The following NEB variants were observed in gnomAD, a reference collection of about 807,000 sequenced individuals.
NEB encodes the protein nemaline myopathy type 2.
Under a neutral mutation model 952.2 loss-of-function variants are expected in NEB, and 512 were observed. The observed-to-expected ratio is 0.54, with a 90% CI of 0.50 to 0.58. The LOEUF is 0.58. Ranked by LOEUF, NEB falls within the 20% of genes least tolerant of loss-of-function variation. The pLI is 0.00. For synonymous variants in NEB, 2,900 were observed against 3,149.8 expected, an observed-to-expected ratio of 0.92 and a Z score of 2.66; for missense variants, 8,428 against 9,231.1, an observed-to-expected ratio of 0.91 and a Z score of 3.56.
rs1387048915 is a variant in NEB, at chr2:151,497,178, G to A, written c.24301-145C>T. 11 of 1,264,556 alleles carry A rather than the reference G, an allele frequency of 8.7e-6. No individual in the cohort carries two copies. In the Admixed American group the frequency reaches 1.9e-4, roughly 22 times the overall value. 78.3% of individuals were successfully genotyped at this position (1,264,556 alleles called of 1,614,324 possible). On this transcript the variant is annotated intron_variant, in intron 171 of 181. Transcript: ENST00000397345. ...AGTTATATGCTGACAAAATGCCACC[G>A]ACTACTTTACTTTAGTGGAAGTTGT...
chr2:151,533,160 T>G (rs2092175078), intron 143 of NEB, among the ~76,000 whole-genome samples: 1 of 152,218 alleles, frequency 6.6e-6, no homozygotes, highest in Non-Finnish European at 1.5e-5. Context: ...AGGCAAATAC[T>G]GAAAAGTATA....
At position 151,643,850 on chromosome 2, in the gene NEB, G is replaced by A. The variant is rs770303722; in HGVS notation, c.7924C>T (p.His2642Tyr). 1 of 1,613,920 alleles carries A rather than the reference G, an allele frequency of 6.2e-7. No homozygotes were observed. ...TGGAGGTCATAGGCCTGCCGAGCAT[G>A]GATGACATCGCTCTGGTCGGGCAGG... ...TCLPDQSDVI[H>Y]ARQAYDLQSD... Residue 2642 changes from histidine (H) to tyrosine (Y), a missense_variant, in exon 57 of 182, where the codon CAT becomes TAT. His to Tyr is a moderately conservative substitution (Grantham distance 83). Transcript: ENST00000397345.
In NEB at chr2:151,672,362, T is replaced by G. The variant is rs373926259; in HGVS notation, c.4299+7A>C. On this transcript the variant is annotated splice_region_variant and intron_variant, in intron 37 of 181. Transcript: ENST00000397345. The stretch of plus-strand genomic sequence containing the variant: ...ACATCTCTGGGTCTGTTGTTACACA[T>G]ACTTACATCACTCTGAATTTGATTG... 6.3e-7 allele frequency: 1 copy of G among 1,582,570 alleles called. No individual in the cohort carries two copies. Among genetic ancestry groups the G allele is most frequent in the Admixed American group, 1.7e-5 (1 of 58,862 alleles).
intron 35 of NEB, 103 bp downstream of exon 35, chr2:151,675,184 G>A (rs1471130483): frequency 6.0e-6 from 5 of 832,738 alleles, no homozygotes; most frequent in African/African-American, 1.7e-5. Context: ...GGGGATTTGT[G>A]AGAAATGGGC....
chr2:151,560,418 C>T (rs2288205), intron 124 of NEB, among the ~76,000 whole-genome samples, 174 bp downstream of exon 124: 6,464 of 152,244 alleles, frequency 0.042, 369 homozygotes, highest in East Asian at 0.15. Context: ...GAGAGACAGG[C>T]AGTGAGCACA....
In NEB at chr2:151,567,232, C is replaced by T; in HGVS notation, c.18092G>A (p.Trp6031Ter). 1 of 1,613,746 alleles carries T rather than the reference C, an allele frequency of 6.2e-7. No individual in the cohort carries two copies. Among genetic ancestry groups the T allele is most frequent in the African/African-American group, 1.3e-5 (1 of 75,006 alleles). The change falls in exon 114 of 182, where the codon TGG becomes TAG. Residue 6031 changes from tryptophan to a stop codon, truncating the protein, a stop_gained. Transcript: ENST00000397345. LOFTEE classifies it high-confidence loss of function. ...ATCGTTCTGGTCAGGATGACACATCCATTGGTGCAAGTAATTACGATAATC... is the reference window on the plus strand; with the variant it reads ...ATCGTTCTGGTCAGGATGACACATCTATTGGTGCAAGTAATTACGATAATC... ...DIDYRNYLHQWMCHPDQNDVI... is the reference protein window; with the variant it reads ...DIDYRNYLHQ
chr2:151,525,398 A>C, intron 150 of NEB, 125 bp from the exon 151 acceptor site: 1 of 674,486 alleles, frequency 1.5e-6, no homozygotes, highest in Non-Finnish European at 2.6e-6. Context: ...TGGGACTTAG[A>C]TAAGACCCAT....
intron 9 of NEB, 25 bp downstream of exon 9, chr2:151,723,357 G>T: frequency 6.4e-7 from 1 of 1,558,554 alleles, no homozygotes. Context: ...GCACACCTAA[G>T]TGGTGCCACT....
At chr2:151,490,261 G>A in intron 180 of NEB, 111 bp downstream of exon 180, 1 of 1,371,312 alleles carries the variant, frequency 7.3e-7, no homozygotes, top group Non-Finnish European at 9.9e-7. Flanking sequence ...TCTCATTAAA[G>A]GAAAGGATGA....
At chr2:151,527,717 A>T (rs977432471) in intron 146 of NEB, 132 bp from the exon 147 acceptor site, 8 of 663,258 alleles carry the variant, frequency 1.2e-5, no homozygotes, top group Non-Finnish European at 2.1e-5. Context: ...GGAAGCCCCA[A>T]TTGAAATTTC....
At chr2:151,627,408 G>A in intron 69 of NEB, 115 bp downstream of exon 69, 1 of 1,475,314 alleles carries the variant, frequency 6.8e-7, no homozygotes, top group Non-Finnish European at 9.2e-7. Context: ...TAAAAAATGA[G>A]CAGAGAGAAG....
intron 173 of NEB, among the ~76,000 whole-genome samples, chr2:151,494,474 A>G (rs185065542): frequency 6.6e-6 from 1 of 152,272 alleles, no homozygotes; most frequent in East Asian, 1.9e-4. Flanking sequence ...GGACTGCAAG[A>G]GAGACCTGTG....
chr2:151,551,658 G>T, intron 129 of NEB, 80 bp downstream of exon 129: 2 of 1,090,148 alleles, frequency 1.8e-6, no homozygotes, highest in East Asian at 2.4e-5. Context: ...GTCAGGTCAA[G>T]AGGAAGCAAG....
chr2:151,626,419 A>G (rs779128068), intron 70 of NEB, among the ~76,000 whole-genome samples: 4 of 151,656 alleles, frequency 2.6e-5, no homozygotes, highest in Non-Finnish European at 4.4e-5. Flanking sequence ...CCCGGCTTGC[A>G]TCTTTCTTGT....
At chr2:151,504,665 A>ATAAAC (rs1254161100) in intron 165 of NEB, among the ~76,000 whole-genome samples, 5 of 152,228 alleles carry the variant, frequency 3.3e-5, no homozygotes, top group Non-Finnish European at 5.9e-5. Flanking sequence ...TTTATTGGCC[A>ATAAAC]TAAACTATTT....
chr2:151,670,761 C>T (rs751469627), intron 38 of NEB, among the ~76,000 whole-genome samples: 5 of 152,156 alleles, frequency 3.3e-5, no homozygotes, highest in Non-Finnish European at 7.4e-5. Flanking sequence ...ATGTATAATG[C>T]GTATCTGCTT....
At position 151,631,317 on chromosome 2, in the gene NEB, C is replaced by G; in HGVS notation, c.9444G>C (p.Leu3148=). ...DNIYKSDLQW[L]RGIGWVPIGS... is the part of the protein sequence containing the mutation. ...CAATGGGGACCCAGCCAATGCCTCTCAGCCACTGGAGATCTGACTTGTAAA... is the reference window on the plus strand; with the variant it reads ...CAATGGGGACCCAGCCAATGCCTCTGAGCCACTGGAGATCTGACTTGTAAA... The change falls in exon 66 of 182, where the codon CTG becomes CTC. Residue 3148 remains leucine, a synonymous_variant. Coordinates refer to ENST00000397345, the MANE Select transcript of NEB (RefSeq NM_001164508.2). The G allele has an allele frequency of 6.2e-7, 1 of 1,613,750 alleles. No individual in the cohort carries two copies. Among genetic ancestry groups the G allele is most frequent in the East Asian group, 2.2e-5 (1 of 44,860 alleles).
In NEB at chr2:151,503,203, A is replaced by G. The variant is rs1575321080; in HGVS notation, c.23835+146T>C. On this transcript the variant is annotated intron_variant, in intron 166 of 181. Transcript: ENST00000397345. Reference sequence around the variant, plus strand: ...TCGGAAATGTGAGTCATTTTGTATTAACATAATTTTGGTCAGGTAATAATA... The same window carrying G: ...TCGGAAATGTGAGTCATTTTGTATTGACATAATTTTGGTCAGGTAATAATA... 7.9e-6 allele frequency: 5 copies of G among 631,574 alleles called. No homozygotes were observed. In the East Asian group the frequency reaches 1.4e-4, roughly 18 times the overall value. 39.1% of individuals were successfully genotyped at this position (631,574 alleles called of 1,614,324 possible).
intron 3 of NEB, 35 bp downstream of exon 3, chr2:151,733,086 T>C (rs1578224219): frequency 3.8e-6 from 6 of 1,572,968 alleles, no homozygotes; most frequent in Middle Eastern, 1.7e-4. Flanking sequence ...CTACATAAAA[T>C]AGTTTGCTGT....
Sources: allele counts gnomAD v4.1 joint callset (sites outside exome capture counted in the v4.1 genomes callset), GRCh38; gene constraint gnomAD v4.1.1; transcripts MANE v1.5; gene names NCBI Gene and HGNC (gene_info 2026-07-23, HGNC 2026-07-21).